XKR9: variants seen among roughly 807,000 people sequenced by gnomAD.
XKR9 encodes the protein XK related 9, also known as XK-related protein 9.
A neutral mutation model predicts 32.0 loss-of-function variants in XKR9; 32 were observed. The observed-to-expected ratio is 1.00, with a 90% CI of 0.76 to 1.34. The LOEUF is 1.34. XKR9 is among the 40% of genes most tolerant of loss of function. XKR9 has a pLI of 0.00. For synonymous variants in XKR9, 168 were observed against 143.4 expected, an observed-to-expected ratio of 1.17 and a Z score of -1.22; for missense variants, 546 against 429.7, an observed-to-expected ratio of 1.27 and a Z score of -2.39.
At chr8:70,827,072 C>A in the XKR9 span, among the ~76,000 whole-genome samples, 1 of 152,016 alleles carries the variant, frequency 6.6e-6, no homozygotes, top group Admixed American at 6.6e-5. Flanking sequence ...TAAAAATGGA[C>A]TGTGTTCTGG....
the XKR9 span, among the ~76,000 whole-genome samples, chr8:70,901,775 A>T: frequency 6.6e-6 from 1 of 152,148 alleles, no homozygotes. Flanking sequence ...GTTCTCTTCA[A>T]GGGTTTTTGT....
chr8:70,909,019 T>A, the XKR9 span, among the ~76,000 whole-genome samples: 1 of 152,192 alleles, frequency 6.6e-6, no homozygotes, highest in East Asian at 1.9e-4. Context: ...TATTTTTTTA[T>A]TTCCAAATCC....
chr8:70,919,584 C>T, the XKR9 span, among the ~76,000 whole-genome samples: 2 of 152,066 alleles, frequency 1.3e-5, no homozygotes, highest in Non-Finnish European at 2.9e-5. Context: ...TTGCATATGC[C>T]CTAGTTAACT....
intron 4 of XKR9, among the ~76,000 whole-genome samples, chr8:70,718,674 G>A (rs1234137680): frequency 6.6e-6 from 1 of 152,148 alleles, no homozygotes; most frequent in African/African-American, 2.4e-5. Flanking sequence ...TGGCTGCATA[G>A]TATTCCATGG....
the XKR9 span, among the ~76,000 whole-genome samples, chr8:70,980,249 C>T: frequency 6.6e-6 from 1 of 152,220 alleles, no homozygotes; most frequent in South Asian, 2.1e-4. Flanking sequence ...TGCTTTGGCT[C>T]ACCCTCTGTG....
chr8:70,684,360 T>C (rs1460578755), intron 3 of XKR9, among the ~76,000 whole-genome samples: 1 of 152,168 alleles, frequency 6.6e-6, no homozygotes, highest in Non-Finnish European at 1.5e-5. Flanking sequence ...ATTTTTGAAC[T>C]CTTTGTGATA....
intron 2 of XKR9, among the ~76,000 whole-genome samples, chr8:70,749,446 CA>C (rs1807103681): frequency 1.3e-5 from 2 of 151,872 alleles, no homozygotes; most frequent in African/African-American, 2.4e-5. Context: ...CAGGTGCCAC[CA>C]AATTCCCTTT....
the XKR9 span, among the ~76,000 whole-genome samples, chr8:70,932,789 A>G: frequency 3.9e-5 from 6 of 152,010 alleles, no homozygotes; most frequent in Non-Finnish European, 8.8e-5. Flanking sequence ...ATTAGGGCCC[A>G]CCCTTACAAT....
chr8:70,914,114 G>A, the XKR9 span, among the ~76,000 whole-genome samples: 1 of 151,900 alleles, frequency 6.6e-6, no homozygotes, highest in Non-Finnish European at 1.5e-5. Context: ...GCTGAGACTC[G>A]AATGCAGTGG....
At chr8:70,822,083 T>G in the XKR9 span, among the ~76,000 whole-genome samples, 1 of 152,276 alleles carries the variant, frequency 6.6e-6, no homozygotes, top group African/African-American at 2.4e-5. Context: ...TATATCTATA[T>G]TTGCAGGAAT....
chr8:70,834,441 A>T, the XKR9 span, among the ~76,000 whole-genome samples: 3 of 152,230 alleles, frequency 2.0e-5, no homozygotes, highest in East Asian at 1.9e-4. Context: ...TCATTTTTAC[A>T]TGTGCTACTG....
chr8:70,888,463 A>G, the XKR9 span, among the ~76,000 whole-genome samples: 3 of 151,948 alleles, frequency 2.0e-5, no homozygotes, highest in East Asian at 5.8e-4. Context: ...ATTTGAGGTA[A>G]TCCCATTACT....
chr8:71,058,999 TTTAA>T, the XKR9 span, among the ~76,000 whole-genome samples: 5 of 152,238 alleles, frequency 3.3e-5, no homozygotes, highest in Non-Finnish European at 7.3e-5. Context: ...AAAATGAAGT[TTTAA>T]TTAGACACAT....
chr8:71,032,382 A>G, the XKR9 span, among the ~76,000 whole-genome samples: 35 of 152,196 alleles, frequency 2.3e-4, no homozygotes, highest in South Asian at 7.3e-3. Context: ...TTAGCTATCA[A>G]GTGTTTACCA....
intron 2 of XKR9, among the ~76,000 whole-genome samples, chr8:70,752,494 C>G: frequency 6.6e-6 from 1 of 152,118 alleles, no homozygotes; most frequent in Non-Finnish European, 1.5e-5. Flanking sequence ...CCTCACTTTA[C>G]AGTCCACTCT....
At chr8:71,042,676 T>A in the XKR9 span, among the ~76,000 whole-genome samples, 3 of 151,988 alleles carry the variant, frequency 2.0e-5, no homozygotes, top group Non-Finnish European at 4.4e-5. Context: ...TAAATACATT[T>A]AAAATGTTTA....
chr8:70,860,271 TG>T, the XKR9 span, among the ~76,000 whole-genome samples: 1 of 152,158 alleles, frequency 6.6e-6, no homozygotes, highest in East Asian at 1.9e-4. Flanking sequence ...GGAGCCCTCA[TG>T]AATGGAATTA....
At chr8:70,974,862 T>A in the XKR9 span, among the ~76,000 whole-genome samples, 6 of 152,226 alleles carry the variant, frequency 3.9e-5, no homozygotes, top group Non-Finnish European at 8.8e-5. Flanking sequence ...ACCAACAGTG[T>A]AAAAGCATTC....
chr8:70,759,744 A>G (rs1807282746), intron 2 of XKR9, among the ~76,000 whole-genome samples: 1 of 152,214 alleles, frequency 6.6e-6, no homozygotes, highest in Non-Finnish European at 1.5e-5. Flanking sequence ...CTGATGGACC[A>G]CAAAGTACTC....
Sources: gnomAD v4.1 joint callset for allele counts (sites outside exome capture counted in the v4.1 genomes callset) on GRCh38, gnomAD v4.1.1 for gene constraint, MANE v1.5 for transcripts, NCBI Gene and HGNC (gene_info 2026-07-23, HGNC 2026-07-21) for gene names.